The following ENTREP2 variants were observed in gnomAD, a reference collection of about 807,000 sequenced individuals.
ENTREP2 encodes the protein endosomal transmembrane epsin interactor 2, also known as protein ENTREP2.
chr15:29,332,424 T>G, the ENTREP2 span, among the ~76,000 whole-genome samples: 1 of 152,102 alleles, frequency 6.6e-6, no homozygotes, highest in Non-Finnish European at 1.5e-5. Flanking sequence ...TTATTGAATA[T>G]TTTCAAAGAG....
the ENTREP2 span, among the ~76,000 whole-genome samples, chr15:29,292,844 T>G: frequency 6.6e-6 from 1 of 152,172 alleles, no homozygotes; most frequent in East Asian, 1.9e-4. Context: ...CTTCTTTCAT[T>G]CCTCACTTCT....
At chr15:29,450,186 C>T in the ENTREP2 span, among the ~76,000 whole-genome samples, 1 of 152,124 alleles carries the variant, frequency 6.6e-6, no homozygotes, top group African/African-American at 2.4e-5. Flanking sequence ...TATTTTCTCC[C>T]ATCCTGTAGG....
At chr15:29,241,445 T>C in the ENTREP2 span, among the ~76,000 whole-genome samples, 1 of 152,228 alleles carries the variant, frequency 6.6e-6, no homozygotes, top group East Asian at 1.9e-4. Flanking sequence ...CAAAAATGGA[T>C]ACATCATAAA....
the ENTREP2 span, among the ~76,000 whole-genome samples, chr15:29,353,658 T>C: frequency 6.6e-6 from 1 of 152,192 alleles, no homozygotes; most frequent in African/African-American, 2.4e-5. Context: ...TGGCCACCCA[T>C]ATTCACTGGT....
the ENTREP2 span, among the ~76,000 whole-genome samples, chr15:29,605,454 T>C: frequency 8.2e-3 from 1,252 of 152,330 alleles, 17 homozygotes; most frequent in African/African-American, 0.028. Flanking sequence ...GTTTGTCTTA[T>C]TTCACTTAAC....
the ENTREP2 span, chr15:29,136,352 GC>G: frequency 2.0e-6 from 3 of 1,483,368 alleles, no homozygotes; most frequent in Non-Finnish European, 8.9e-7. Context: ...TTTGTCTGGG[GC>G]CCCAGGCCTC....
chr15:29,162,208 A>C, the ENTREP2 span, among the ~76,000 whole-genome samples: 1 of 152,316 alleles, frequency 6.6e-6, no homozygotes, highest in Non-Finnish European at 1.5e-5. Context: ...CACCACAGGG[A>C]TCCACCAGGA....
At chr15:29,296,404 T>C in the ENTREP2 span, among the ~76,000 whole-genome samples, 1 of 152,132 alleles carries the variant, frequency 6.6e-6, no homozygotes, top group African/African-American at 2.4e-5. Flanking sequence ...TAAGATGCTA[T>C]AGAAGGCAGA....
the ENTREP2 span, among the ~76,000 whole-genome samples, chr15:29,524,541 C>T: frequency 6.6e-6 from 1 of 152,186 alleles, no homozygotes; most frequent in Non-Finnish European, 1.5e-5. Context: ...AGTTTTATAG[C>T]TCTATTAGAA....
chr15:29,414,517 T>G, the ENTREP2 span, among the ~76,000 whole-genome samples: 1 of 152,128 alleles, frequency 6.6e-6, no homozygotes, highest in Admixed American at 6.5e-5. Context: ...GAGGGAAATT[T>G]ATAGCACTAA....
the ENTREP2 span, among the ~76,000 whole-genome samples, chr15:29,480,046 A>T: frequency 4.6e-5 from 7 of 152,234 alleles, no homozygotes; most frequent in East Asian, 1.4e-3. Context: ...TCACTACGCA[A>T]ATTTGGGCTG....
the ENTREP2 span, among the ~76,000 whole-genome samples, chr15:29,607,923 G>C: frequency 6.6e-6 from 1 of 152,094 alleles, no homozygotes; most frequent in African/African-American, 2.4e-5. Flanking sequence ...TCCCACAATA[G>C]GCCGTCTGCA....
At chr15:29,602,730 T>G in the ENTREP2 span, among the ~76,000 whole-genome samples, 2 of 152,042 alleles carry the variant, frequency 1.3e-5, no homozygotes, top group Non-Finnish European at 2.9e-5. Flanking sequence ...TAGAGATATA[T>G]TCCCTCTTTC....
chr15:29,455,974 G>C, the ENTREP2 span, among the ~76,000 whole-genome samples: 1 of 152,172 alleles, frequency 6.6e-6, no homozygotes, highest in Admixed American at 6.5e-5. Flanking sequence ...AACAAGCTCA[G>C]GGCTCCCACT....
chr15:29,577,126 A>T, the ENTREP2 span, among the ~76,000 whole-genome samples: 12 of 152,156 alleles, frequency 7.9e-5, no homozygotes, highest in African/African-American at 2.9e-4. Context: ...ATTTAAAAAA[A>T]AAAAGAAAGA....
At chr15:29,643,170 G>A in the ENTREP2 span, among the ~76,000 whole-genome samples, 7,058 of 152,180 alleles carry the variant, frequency 0.046, 186 homozygotes, top group South Asian at 0.066. Context: ...AGATAAATTG[G>A]ACTTCACTAA....
the ENTREP2 span, among the ~76,000 whole-genome samples, chr15:29,141,236 C>T: frequency 1.3e-5 from 2 of 152,148 alleles, no homozygotes; most frequent in African/African-American, 4.8e-5. Context: ...TGCCTGGGAC[C>T]GGGAGTCAGA....
chr15:29,255,267 T>C, the ENTREP2 span, among the ~76,000 whole-genome samples: 1 of 152,218 alleles, frequency 6.6e-6, no homozygotes, highest in Non-Finnish European at 1.5e-5. Flanking sequence ...TTGTCAGACA[T>C]ATCATGAGTT....
chr15:29,381,857 G>A, the ENTREP2 span: 4 of 1,549,534 alleles, frequency 2.6e-6, no homozygotes, highest in South Asian at 4.8e-5. Flanking sequence ...ATACAGGAAG[G>A]TGAGATGCTT....
Sources: gnomAD v4.1 joint callset for allele counts (sites outside exome capture counted in the v4.1 genomes callset) on GRCh38, gnomAD v4.1.1 for gene constraint, MANE v1.5 for transcripts, NCBI Gene and HGNC (gene_info 2026-07-23, HGNC 2026-07-21) for gene names.